The following GXYLT1 variants were observed in gnomAD, a reference collection of about 807,000 sequenced individuals.
GXYLT1 encodes the protein glucoside xylosyltransferase 1.
Under a neutral mutation model 54.0 loss-of-function variants are expected in GXYLT1, and 29 were observed. That is an observed-to-expected ratio of 0.54 (90% CI 0.40 to 0.73). The LOEUF (loss-of-function observed/expected upper bound fraction) is 0.73, where lower values mean the gene tolerates loss of function less well. Among genes scored for constraint, GXYLT1 ranks in the 30% least tolerant of loss-of-function variants. The pLI, the probability that GXYLT1 is intolerant of heterozygous loss-of-function variation, is 0.00. For synonymous variants in GXYLT1, 176 were observed against 204.1 expected (o/e 0.86, Z 1.17); for missense variants, 490 against 553.4 (o/e 0.89, Z 1.15).
Position 42,129,745 on chromosome 12 carries a change from T to C in GXYLT1, c.314+14A>G, listed in dbSNP as rs776141885. 3 of 1,568,176 alleles carry C rather than the reference T, an allele frequency of 1.9e-6. No individual in the cohort carries two copies. The highest frequency in any genetic ancestry group is 4.5e-5 in the East Asian group (2 of 44,572). On this transcript the variant is annotated intron_variant, in intron 2 of 7. Transcript: ENST00000398675. ...TATCTACACTGATCTACCAATTAAA[T>C]ATTAAGTGCCTACCTAAAAGCCGCT...
chr12:42,105,677 T>C (rs933382060), intron 5 of GXYLT1, 141 bp downstream of exon 5: 2 of 602,016 alleles, frequency 3.3e-6, no homozygotes, highest in African/African-American at 1.9e-5. Flanking sequence ...AATCTAGATA[T>C]TTATATTCTT....
chr12:42,096,324 AAAAT>A lies in GXYLT1; in HGVS notation c.1161+1114_1161+1117del, dbSNP rs556277255. 5.6e-3 allele frequency among the ~76,000 whole-genome samples: 856 copies of A among 152,298 alleles called. 8 individuals are homozygous for A. Among genetic ancestry groups the A allele is most frequent in the Non-Finnish European group, 8.6e-3 (588 of 68,012 alleles). On this transcript the variant is annotated intron_variant, in intron 7 of 7. Coordinates refer to ENST00000398675, the MANE Select transcript of GXYLT1 (RefSeq NM_173601.2). ...TTCAACAGTAGGGCAGGGAAAGTAT[AAAAT>A]AAACCTGGAATATTTTGTTGGAACA...
rs377473197 is a variant in GXYLT1 at position 42,133,977 on chromosome 12, G to A, written c.222-4126C>T. ...TTTAGGAGGCCGACGTGGGTGGATC[G>A]CTTGAGCCCAGGAGTTCAACACCAG... On this transcript the variant is annotated intron_variant, in intron 1 of 7. Coordinates refer to ENST00000398675, the MANE Select transcript of GXYLT1 (RefSeq NM_173601.2). Among the ~76,000 whole-genome samples the A allele has an allele frequency of 1.4e-4, 22 of 152,060 alleles. No homozygotes were observed. The East Asian group carries it at 3.1e-3, about 21-fold the overall frequency.
At chr12:42,102,397 C>G (rs1437772788) in intron 5 of GXYLT1, among the ~76,000 whole-genome samples, 2 of 152,204 alleles carry the variant, frequency 1.3e-5, no homozygotes, top group African/African-American at 4.8e-5. Context: ...AGCATTGTAT[C>G]TACTTCATAC....
At chr12:42,129,713 CTAACCT>C (rs1384387142) in intron 2 of GXYLT1, 40 bp downstream of exon 2, 2 of 1,169,086 alleles carry the variant, frequency 1.7e-6, no homozygotes, top group Non-Finnish European at 2.6e-6. Flanking sequence ...TATCAACTAT[CTAACCT>C]TATCTACACT....
intron 1 of GXYLT1, among the ~76,000 whole-genome samples, chr12:42,137,168 T>TA (rs1391713130): frequency 2.0e-5 from 3 of 152,260 alleles, no homozygotes; most frequent in Admixed American, 1.3e-4. Context: ...GAGTCAGTGA[T>TA]ACGAGATGAG....
At chr12:42,125,560 A>G (rs2065555811) in intron 2 of GXYLT1, among the ~76,000 whole-genome samples, 1 of 152,210 alleles carries the variant, frequency 6.6e-6, no homozygotes, top group South Asian at 2.1e-4. Flanking sequence ...TGGTCTCAAA[A>G]GCCAGAGGCT....
chr12:42,092,211 T>C (rs1165145302), intron 7 of GXYLT1, among the ~76,000 whole-genome samples: 1 of 152,140 alleles, frequency 6.6e-6, no homozygotes, highest in African/African-American at 2.4e-5. Context: ...AATGAGAACT[T>C]AGGAAACGGG....
chr12:42,120,924 C>T (rs1431469940), intron 2 of GXYLT1, among the ~76,000 whole-genome samples: 3 of 152,130 alleles, frequency 2.0e-5, no homozygotes, highest in Non-Finnish European at 2.9e-5. Context: ...TACCCTCTGT[C>T]CTTTGCCCTC....
intron 3 of GXYLT1, among the ~76,000 whole-genome samples, chr12:42,115,971 T>C (rs1419404312): frequency 3.4e-5 from 5 of 148,844 alleles, no homozygotes; most frequent in Non-Finnish European, 7.4e-5. Context: ...TCAGAAATAA[T>C]GCCGCATATC....
chr12:42,115,050 T>C (rs573935069), intron 3 of GXYLT1, among the ~76,000 whole-genome samples: 7 of 152,236 alleles, frequency 4.6e-5, no homozygotes, highest in Admixed American at 1.3e-4. Context: ...TCTCAATAGA[T>C]GCAGAAAAGG....
chr12:42,113,247 C>T, intron 3 of GXYLT1, among the ~76,000 whole-genome samples: 1 of 151,086 alleles, frequency 6.6e-6, no homozygotes, highest in Non-Finnish European at 1.5e-5. Context: ...AACCAGCTAA[C>T]ATCGTAATGA....
At position 42,088,740 on chromosome 12, in the gene GXYLT1, AGAAAGAT is replaced by A. The variant is rs963326777; in HGVS notation, c.1162-800_1162-794del. On this transcript the variant is annotated intron_variant, in intron 7 of 7. Transcript: ENST00000398675. The stretch of plus-strand genomic sequence containing the variant: ...TTTTCAACTAGGTGTATTTTCAATT[AGAAAGAT>A]GGATGGGGCTTAAAAGTAGAACATT... 5.5e-4 allele frequency among the ~76,000 whole-genome samples: 84 copies of A among 152,236 alleles called. 1 individual carries two copies. Among genetic ancestry groups the A allele is most frequent in the African/African-American group, 2.0e-3 (83 of 41,544 alleles).
intron 1 of GXYLT1, among the ~76,000 whole-genome samples, chr12:42,135,440 C>G (rs1317374858): frequency 2.0e-5 from 3 of 152,152 alleles, no homozygotes; most frequent in African/African-American, 7.2e-5. Context: ...GTTGTGCAAC[C>G]ATGACTCACC....
intron 3 of GXYLT1, among the ~76,000 whole-genome samples, chr12:42,112,658 C>T (rs1400819281): frequency 6.6e-6 from 1 of 152,132 alleles, no homozygotes; most frequent in African/African-American, 2.4e-5. Context: ...ACCAAATCTA[C>T]GTCTGATTGG....
Position 42,082,260 on chromosome 12 carries a change from C to G in GXYLT1, c.*5526G>C, listed in dbSNP as rs2065258503. ...GCAAACCACCATCCTCTTCACAGATCTTCTGTTACGGCAACCATCAAAAAC... is the reference window on the plus strand; with the variant it reads ...GCAAACCACCATCCTCTTCACAGATGTTCTGTTACGGCAACCATCAAAAAC... On this transcript the variant is annotated 3_prime_UTR_variant, in exon 8 of 8. Coordinates refer to ENST00000398675, the MANE Select transcript of GXYLT1 (RefSeq NM_173601.2). The G allele has an allele frequency of 6.6e-6, 1 of 152,200 alleles. No homozygotes were observed. The highest frequency in any genetic ancestry group is 6.5e-5 in the Admixed American group (1 of 15,284). The allele number at this position is 152,200 out of a possible 1,614,324, so 9.4% of individuals were successfully genotyped here. A position where few individuals can be genotyped will look rare whatever the true frequency, so the allele number is the denominator to read the frequency against.
At chr12:42,135,948 T>C (rs1325656719) in intron 1 of GXYLT1, among the ~76,000 whole-genome samples, 2 of 152,182 alleles carry the variant, frequency 1.3e-5, no homozygotes, top group African/African-American at 4.8e-5. Flanking sequence ...AAAAAACACA[T>C]AGTATATAGG....
At chr12:42,110,158 C>T (rs922874370) in intron 3 of GXYLT1, among the ~76,000 whole-genome samples, 6 of 152,122 alleles carry the variant, frequency 3.9e-5, no homozygotes, top group African/African-American at 1.4e-4. Context: ...CTTTAATATG[C>T]CTAAATATTT....
chr12:42,093,381 G>A (rs1023870609), intron 7 of GXYLT1, among the ~76,000 whole-genome samples: 11 of 152,060 alleles, frequency 7.2e-5, no homozygotes, highest in Non-Finnish European at 1.0e-4. Flanking sequence ...GATTACAGGC[G>A]TGAGCCACTG....
Sources: allele counts gnomAD v4.1 joint callset (sites outside exome capture counted in the v4.1 genomes callset), GRCh38; gene constraint gnomAD v4.1.1; transcripts MANE v1.5; gene names NCBI Gene and HGNC (gene_info 2026-07-23, HGNC 2026-07-21).